The following VPS8 variants were observed in gnomAD, a reference collection of about 807,000 sequenced individuals.
The protein encoded by VPS8 is vacuolar protein sorting-associated protein 8 homolog.
In VPS8, 129 loss-of-function variants were observed where a neutral mutation model predicts 216.4. That is an observed-to-expected ratio of 0.60 (90% CI 0.52 to 0.69). The LOEUF is 0.69. Ranked by LOEUF, VPS8 falls within the 30% of genes least tolerant of loss-of-function variation. The probability of loss-of-function intolerance (pLI) is 0.00; values close to 1 mark genes in which losing one functional copy is unlikely to be tolerated. For synonymous variants in VPS8, 571 were observed against 565.4 expected, an observed-to-expected ratio of 1.01 and a Z score of -0.14; for missense variants, 1,531 against 1,683.5, an observed-to-expected ratio of 0.91 and a Z score of 1.59.
At chr3:184,982,531 C>CTTTTCT (rs1487799663) in intron 40 of VPS8, 35 bp from the exon 41 acceptor site, 2 of 1,518,930 alleles carry the variant, frequency 1.3e-6, no homozygotes, top group Non-Finnish European at 1.8e-6. Flanking sequence ...TCTTTGACCA[C>CTTTTCT]TTTTCTTTTT....
At chr3:184,853,714 G>T in intron 11 of VPS8, 143 bp from the exon 12 acceptor site, 11 of 768,188 alleles carry the variant, frequency 1.4e-5, no homozygotes, top group Non-Finnish European at 1.9e-5. Flanking sequence ...ATAATAAAAA[G>T]ACCATGCTGC....
At chr3:184,922,470 G>A (rs1223915812) in intron 29 of VPS8, 2 of 452,098 alleles carry the variant, frequency 4.4e-6, no homozygotes, top group Admixed American at 4.7e-5. Flanking sequence ...TAACCCAGTA[G>A]ATGTCAGATA....
chr3:185,037,851 T>C (rs1286449504), intron 46 of VPS8, among the ~76,000 whole-genome samples: 8 of 152,224 alleles, frequency 5.3e-5, no homozygotes, highest in Non-Finnish European at 1.2e-4. Flanking sequence ...TTTGATGTTA[T>C]ATTGTCATCA....
chr3:184,999,852 C>T lies in VPS8; in HGVS notation c.3993C>T (p.Thr1331=). 1.9e-6 allele frequency: 3 copies of T among 1,609,000 alleles called. No homozygotes were observed. Among genetic ancestry groups the T allele is most frequent in the Non-Finnish European group, 2.5e-6 (3 of 1,177,996 alleles). ...CTGAAATTAAAAAGGGAAGGATAAC[C>T]CCATCACAGGTAAGACTTGTTTTCG... ...NSSEIKKGRI[T]PSQVKMSPSY... The change falls in exon 45 of 48, where the codon ACC becomes ACT. Residue 1331 remains threonine, a synonymous_variant. Transcript: ENST00000625842.
chr3:184,866,831 C>A, intron 16 of VPS8, 45 bp from the exon 17 acceptor site: 3 of 1,555,828 alleles, frequency 1.9e-6, no homozygotes, highest in Non-Finnish European at 2.6e-6. Context: ...ATATTAAATA[C>A]AAAGGAATTT....
Position 184,920,205 on chromosome 3 carries a change from A to G in VPS8, c.2454+7A>G. 6.6e-7 allele frequency: 1 copy of G among 1,504,558 alleles called. No homozygotes were observed. The highest frequency in any genetic ancestry group is 8.9e-7 in the Non-Finnish European group (1 of 1,121,126). 93.2% of individuals were successfully genotyped at this position (1,504,558 alleles called of 1,614,324 possible). A position where few individuals can be genotyped will look rare whatever the true frequency, so the allele number is the denominator to read the frequency against. On this transcript the variant is annotated splice_region_variant and intron_variant, in intron 29 of 47. Transcript: ENST00000625842. Reference sequence around the variant, plus strand: ...TGTGGATATTTTGTTGAAAGTAAGTATTCAAAGAATACATGTCTTTATATT... The same window carrying G: ...TGTGGATATTTTGTTGAAAGTAAGTGTTCAAAGAATACATGTCTTTATATT...
At chr3:184,815,382 A>T (rs1438473237) in intron 1 of VPS8, among the ~76,000 whole-genome samples, 4 of 152,210 alleles carry the variant, frequency 2.6e-5, no homozygotes, top group Admixed American at 6.5e-5. Context: ...ATTCATTACA[A>T]CAGCTGTGAC....
At chr3:184,873,996 C>A (rs530740833) in intron 21 of VPS8, among the ~76,000 whole-genome samples, 15 of 151,820 alleles carry the variant, frequency 9.9e-5, no homozygotes, top group Non-Finnish European at 2.2e-4. Flanking sequence ...GTGCATGCAC[C>A]GTCAGCCACA....
At chr3:184,862,801 C>A (rs781560437) in intron 15 of VPS8, 96 bp from the exon 16 acceptor site, 7 of 1,274,956 alleles carry the variant, frequency 5.5e-6, no homozygotes, top group Non-Finnish European at 7.7e-6. Flanking sequence ...ATCAAGTCCT[C>A]AATGTAATTT....
At chr3:184,955,209 AC>A (rs1745372733) in intron 36 of VPS8, among the ~76,000 whole-genome samples, 1 of 151,580 alleles carries the variant, frequency 6.6e-6, no homozygotes, top group African/African-American at 2.4e-5. Context: ...GGAGGCCTAA[AC>A]CCCTCCCTGT....
At chr3:184,978,879 A>G (rs749731883) in intron 40 of VPS8, among the ~76,000 whole-genome samples, 11 of 151,952 alleles carry the variant, frequency 7.2e-5, no homozygotes, top group South Asian at 4.2e-4. Flanking sequence ...TAGTTCCTCT[A>G]AGTGTGATGT....
At chr3:184,921,287 G>A (rs1226956410) in intron 29 of VPS8, among the ~76,000 whole-genome samples, 2 of 152,188 alleles carry the variant, frequency 1.3e-5, no homozygotes, top group Non-Finnish European at 2.9e-5. Context: ...CATAAACTCA[G>A]GGACGCAGAT....
chr3:184,968,596 T>C (rs2109597628), intron 39 of VPS8, among the ~76,000 whole-genome samples: 1 of 152,366 alleles, frequency 6.6e-6, no homozygotes, highest in South Asian at 2.1e-4. Context: ...TAGTATCTAA[T>C]TATGGATTTG....
At chr3:184,891,881 A>G (rs1006832748) in intron 22 of VPS8, among the ~76,000 whole-genome samples, 1 of 152,202 alleles carries the variant, frequency 6.6e-6, no homozygotes, top group Non-Finnish European at 1.5e-5. Flanking sequence ...CTAAATTTGT[A>G]ATTTCTTATA....
chr3:184,942,566 C>A (rs1742922421), intron 36 of VPS8, among the ~76,000 whole-genome samples: 1 of 152,118 alleles, frequency 6.6e-6, no homozygotes, highest in Non-Finnish European at 1.5e-5. Flanking sequence ...GCCTTGAAGT[C>A]ACCAGCTTAC....
chr3:185,030,200 T>C (rs1339298662), intron 46 of VPS8, among the ~76,000 whole-genome samples: 1 of 152,152 alleles, frequency 6.6e-6, no homozygotes, highest in East Asian at 1.9e-4. Flanking sequence ...GAGAGTTAGT[T>C]GGGGGCAGCA....
Position 185,048,338 on chromosome 3 carries a change from T to C in VPS8, c.4057-141T>C, listed in dbSNP as rs1713402999. Reference sequence around the variant, plus strand: ...CGATTTCTAACTCATGTTCAGTATATATCTCACTAATAGCTGGTAGCATGG... The same window carrying C: ...CGATTTCTAACTCATGTTCAGTATACATCTCACTAATAGCTGGTAGCATGG... On this transcript the variant is annotated intron_variant, in intron 46 of 47. Transcript: ENST00000625842. 5 of 779,962 alleles carry C rather than the reference T, an allele frequency of 6.4e-6. No individual in the cohort carries two copies. The South Asian group carries it at 8.6e-5, about 13-fold the overall frequency. The allele number at this position is 779,962 out of a possible 1,614,324, so 48.3% of individuals were successfully genotyped here. A position where few individuals can be genotyped will look rare whatever the true frequency, so the allele number is the denominator to read the frequency against.
chr3:184,991,256 G>C (rs1751860981), intron 42 of VPS8, among the ~76,000 whole-genome samples: 1 of 152,016 alleles, frequency 6.6e-6, no homozygotes, highest in South Asian at 2.1e-4. Flanking sequence ...AATTTACCTG[G>C]GTACCCAAGT....
chr3:184,936,171 A>G (rs563583920), intron 34 of VPS8, 75 bp from the exon 35 acceptor site: 74 of 1,285,302 alleles, frequency 5.8e-5, no homozygotes, highest in Non-Finnish European at 8.1e-5. Flanking sequence ...GAGGTAGGTA[A>G]TCGTGCCTCA....
Sources: gnomAD v4.1 joint callset for allele counts (sites outside exome capture counted in the v4.1 genomes callset) on GRCh38, gnomAD v4.1.1 for gene constraint, MANE v1.5 for transcripts, NCBI Gene and HGNC (gene_info 2026-07-23, HGNC 2026-07-21) for gene names.